Variants in JAZF1 observed in about 807,000 individuals in gnomAD.
JAZF1 encodes the protein juxtaposed with another zinc finger protein 1.
In JAZF1, 8 loss-of-function variants were observed where a neutral mutation model predicts 26.4. The ratio of observed to expected loss-of-function variants is 0.30; its 90% CI spans 0.18 to 0.55. JAZF1 has a LOEUF of 0.55. Among genes scored for constraint, JAZF1 ranks in the 20% least tolerant of loss-of-function variants. JAZF1 has a pLI of 0.94. For missense variants in JAZF1, 199 were observed against 322.0 expected (o/e 0.62, Z 2.92); for synonymous variants, 126 against 122.3 (o/e 1.03, Z -0.20).
chr7:27,872,477 T>G (rs1310871890), intron 3 of JAZF1, among the ~76,000 whole-genome samples: 1 of 152,220 alleles, frequency 6.6e-6, no homozygotes, highest in African/African-American at 2.4e-5. Context: ...CTGTGCTCTG[T>G]GGCAAGGGCA....
At chr7:27,931,537 G>GGGCGTGGTGGCTC (rs759116885) in intron 2 of JAZF1, among the ~76,000 whole-genome samples, 29 of 152,332 alleles carry the variant, frequency 1.9e-4, no homozygotes, top group East Asian at 3.9e-4. Flanking sequence ...TTTGGAGGCT[G>GGGCGTGGTGGCTC]GGCGTGGTGG....
chr7:28,005,855 G>C (rs1782691155), intron 1 of JAZF1, among the ~76,000 whole-genome samples: 1 of 149,932 alleles, frequency 6.7e-6, no homozygotes, highest in African/African-American at 2.5e-5. Flanking sequence ...AGGACTTCTG[G>C]GAATTAACTC....
At chr7:27,911,443 A>G (rs1291327050) in intron 2 of JAZF1, among the ~76,000 whole-genome samples, 1 of 152,222 alleles carries the variant, frequency 6.6e-6, no homozygotes, top group Non-Finnish European at 1.5e-5. Context: ...ATCATGCCAT[A>G]GGAAAGTTAC....
At chr7:27,951,082 G>A (rs1785000583) in intron 2 of JAZF1, among the ~76,000 whole-genome samples, 5 of 152,098 alleles carry the variant, frequency 3.3e-5, no homozygotes, top group Admixed American at 6.6e-5. Flanking sequence ...GTGAACCCAC[G>A]TAACCCAGCT....
At chr7:27,923,645 T>TC (rs1347392170) in intron 2 of JAZF1, among the ~76,000 whole-genome samples, 1 of 152,076 alleles carries the variant, frequency 6.6e-6, no homozygotes, top group Non-Finnish European at 1.5e-5. Context: ...CTTGCTCCAT[T>TC]CCCCCTGCAG....
chr7:27,880,551 T>C (rs1783751364), intron 3 of JAZF1, among the ~76,000 whole-genome samples: 1 of 151,948 alleles, frequency 6.6e-6, no homozygotes, highest in Non-Finnish European at 1.5e-5. Flanking sequence ...GAGAATTGCT[T>C]GAACCCGAGA....
chr7:27,948,026 G>T (rs10216038), intron 2 of JAZF1, among the ~76,000 whole-genome samples: 62 of 152,256 alleles, frequency 4.1e-4, no homozygotes, highest in African/African-American at 1.4e-3. Flanking sequence ...AAAACAAGAC[G>T]TGGGGGCAAA....
intron 1 of JAZF1, among the ~76,000 whole-genome samples, chr7:28,177,748 T>C (rs944705486): frequency 8.5e-5 from 13 of 152,358 alleles, no homozygotes; most frequent in East Asian, 7.7e-4. Context: ...CAAATACTTA[T>C]AGATTGAATC....
chr7:28,010,680 T>C (rs1018920979), intron 1 of JAZF1, among the ~76,000 whole-genome samples: 4 of 152,220 alleles, frequency 2.6e-5, no homozygotes, highest in Non-Finnish European at 4.4e-5. Context: ...ATAGATTACA[T>C]TTTAAAGTGC....
intron 1 of JAZF1, among the ~76,000 whole-genome samples, chr7:28,049,939 C>G (rs1283187706): frequency 6.6e-6 from 1 of 152,152 alleles, no homozygotes; most frequent in Non-Finnish European, 1.5e-5. Context: ...ATCACATCGG[C>G]ATGATTGATT....
intron 1 of JAZF1, among the ~76,000 whole-genome samples, chr7:28,029,423 C>G (rs1301659254): frequency 6.6e-6 from 1 of 152,168 alleles, no homozygotes; most frequent in Non-Finnish European, 1.5e-5. Context: ...AAAGAACGTC[C>G]TCTAAAAATC....
intron 1 of JAZF1, among the ~76,000 whole-genome samples, chr7:28,127,923 A>AT (rs1322815565): frequency 6.6e-6 from 1 of 152,068 alleles, no homozygotes; most frequent in Non-Finnish European, 1.5e-5. Flanking sequence ...TGCCCTCATG[A>AT]TTCAATCATC....
intron 1 of JAZF1, among the ~76,000 whole-genome samples, chr7:28,029,431 A>G (rs1223436081): frequency 2.0e-5 from 3 of 152,178 alleles, no homozygotes; most frequent in Non-Finnish European, 4.4e-5. Context: ...TCCTCTAAAA[A>G]TCCCCTCTCA....
intron 1 of JAZF1, among the ~76,000 whole-genome samples, chr7:28,018,435 G>A (rs1554282311): frequency 6.6e-6 from 1 of 152,122 alleles, no homozygotes; most frequent in Non-Finnish European, 1.5e-5. Context: ...ATTTTAAGAG[G>A]ATCCCTCTGA....
intron 1 of JAZF1, among the ~76,000 whole-genome samples, chr7:28,094,887 CA>C (rs1215614182): frequency 6.6e-6 from 1 of 152,124 alleles, no homozygotes; most frequent in African/African-American, 2.4e-5. Flanking sequence ...ATCGTCCTAC[CA>C]AAGCTCCCTT....
chr7:28,172,390 C>A (rs78483136), intron 1 of JAZF1, among the ~76,000 whole-genome samples: 1 of 152,136 alleles, frequency 6.6e-6, no homozygotes, highest in Non-Finnish European at 1.5e-5. Flanking sequence ...CAAGTTTTCT[C>A]GTGCAATGAC....
At chr7:27,913,719 A>G (rs1228934708) in intron 2 of JAZF1, among the ~76,000 whole-genome samples, 2 of 151,830 alleles carry the variant, frequency 1.3e-5, no homozygotes, top group East Asian at 3.9e-4. Context: ...GCAGTGAGAT[A>G]CCTTGGCCAT....
chr7:28,039,554 G>A (rs1443250060), intron 1 of JAZF1, among the ~76,000 whole-genome samples: 1 of 152,058 alleles, frequency 6.6e-6, no homozygotes, highest in African/African-American at 2.4e-5. Context: ...ATAGTCCCTG[G>A]AACACACTAC....
intron 2 of JAZF1, among the ~76,000 whole-genome samples, chr7:27,932,740 C>T (rs1784704054): frequency 6.6e-6 from 1 of 152,180 alleles, no homozygotes. Flanking sequence ...ATTCAACAGA[C>T]TCCTCACTCA....
Sources: allele counts gnomAD v4.1 joint callset (sites outside exome capture counted in the v4.1 genomes callset), GRCh38; gene constraint gnomAD v4.1.1; transcripts MANE v1.5; gene names NCBI Gene and HGNC (gene_info 2026-07-23, HGNC 2026-07-21).